The following ZNF431 variants were observed in gnomAD, a reference collection of about 807,000 sequenced individuals.
ZNF431 encodes zinc finger protein 431.
Under a neutral mutation model 57.0 loss-of-function variants are expected in ZNF431, and 34 were observed. That is an observed-to-expected ratio of 0.60 (90% CI 0.45 to 0.79). The LOEUF is 0.79. ZNF431 is among the 30% of genes least tolerant of loss of function. ZNF431 has a pLI of 0.00. For synonymous variants in ZNF431, 207 were observed against 220.3 expected, an observed-to-expected ratio of 0.94 and a Z score of 0.54; for missense variants, 607 against 667.1, an observed-to-expected ratio of 0.91 and a Z score of 0.99.
chr19:21,143,467 T>C (rs1969997094), intron 1 of ZNF431, 84 bp from the exon 2 acceptor site: 1 of 1,090,290 alleles, frequency 9.2e-7, no homozygotes, highest in Non-Finnish European at 1.4e-6. Context: ...CAGTGCTGTC[T>C]GGGGATGAAC....
intron 4 of ZNF431, among the ~76,000 whole-genome samples, chr19:21,177,129 G>A (rs966464774): frequency 1.3e-5 from 2 of 152,180 alleles, no homozygotes; most frequent in African/African-American, 4.8e-5. Context: ...GAGTAGTATT[G>A]CCTAGATTTT....
chr19:21,142,206 C>G lies in ZNF431; in HGVS notation c.3+20C>G, dbSNP rs769239168. ...GAAATGGTGAGAGTGCCGGGTCGGA[C>G]ATCCCGAGAGAGGGGAAGGGCTGGT... is the stretch of plus-strand genomic sequence containing the variant. On this transcript the variant is annotated intron_variant, in intron 1 of 4. Transcript: ENST00000311048. 1.2e-6 allele frequency: 2 copies of G among 1,613,098 alleles called. No individual in the cohort carries two copies. The highest frequency in any genetic ancestry group is 3.3e-5 in the Admixed American group (2 of 59,998).
intron 2 of ZNF431, among the ~76,000 whole-genome samples, chr19:21,158,266 C>G (rs1205032802): frequency 6.6e-6 from 1 of 151,974 alleles, no homozygotes; most frequent in Non-Finnish European, 1.5e-5. Flanking sequence ...GGTGCGATCT[C>G]AGCTTACTGC....
intron 2 of ZNF431, among the ~76,000 whole-genome samples, chr19:21,156,617 A>G (rs1323061945): frequency 1.3e-5 from 2 of 150,254 alleles, no homozygotes; most frequent in African/African-American, 4.9e-5. Context: ...GATAGCATGC[A>G]TTTGGTTTTG....
chr19:21,161,166 C>CTAAATAAA lies in ZNF431; in HGVS notation c.97-5148_97-5141dup, dbSNP rs10600309. On this transcript the variant is annotated intron_variant, in intron 2 of 4. Coordinates refer to ENST00000311048, the MANE Select transcript of ZNF431 (RefSeq NM_133473.4). ...CTGGTGACAGAGCAAAGTTCCATCT[C>CTAAATAAA]TAAATAAATAAATAAATAAATAAAT... is the stretch of plus-strand genomic sequence containing the variant. 1.4e-4 allele frequency among the ~76,000 whole-genome samples: 21 copies of CTAAATAAA among 150,414 alleles called. No homozygotes were observed. In the South Asian group the frequency reaches 3.8e-3, roughly 27 times the overall value.
intron 2 of ZNF431, among the ~76,000 whole-genome samples, chr19:21,147,579 T>G (rs1352030861): frequency 6.9e-6 from 1 of 144,900 alleles, no homozygotes; most frequent in Non-Finnish European, 1.5e-5. Flanking sequence ...ATTGTCTGGA[T>G]GGCAAAGTCT....
At chr19:21,169,283 C>A (rs546562601) in intron 4 of ZNF431, among the ~76,000 whole-genome samples, 175 of 152,180 alleles carry the variant, frequency 1.1e-3, no homozygotes, top group Non-Finnish European at 1.6e-3. Flanking sequence ...CAAACAGCAA[C>A]TTTTTACTTA....
chr19:21,154,215 T>C (rs1006776309), intron 2 of ZNF431, among the ~76,000 whole-genome samples: 15 of 152,282 alleles, frequency 9.9e-5, no homozygotes, highest in Non-Finnish European at 1.9e-4. Flanking sequence ...TTCCCCTTCC[T>C]GTGTCCATGT....
chr19:21,175,397 C>T (rs1971021039), intron 4 of ZNF431: 1 of 693,602 alleles, frequency 1.4e-6, no homozygotes, highest in East Asian at 2.7e-5. Flanking sequence ...GTTACTATTA[C>T]CAGTTTTATT....
chr19:21,168,627 A>G (rs1970792718), intron 4 of ZNF431, among the ~76,000 whole-genome samples: 1 of 152,112 alleles, frequency 6.6e-6, no homozygotes, highest in Non-Finnish European at 1.5e-5. Context: ...CGGCCTCCCA[A>G]AGTGCTGGGA....
At chr19:21,147,239 C>A (rs1474572871) in intron 2 of ZNF431, among the ~76,000 whole-genome samples, 3 of 152,090 alleles carry the variant, frequency 2.0e-5, no homozygotes, top group African/African-American at 7.2e-5. Flanking sequence ...GTAATCTCAG[C>A]CCTTTGGGAG....
chr19:21,166,477 A>G lies in ZNF431; in HGVS notation c.223+16A>G, dbSNP rs1459455946. 1.3e-6 allele frequency: 2 copies of G among 1,588,654 alleles called. No individual in the cohort carries two copies. The highest frequency in any genetic ancestry group is 1.7e-6 in the Non-Finnish European group (2 of 1,173,050). On this transcript the variant is annotated intron_variant, in intron 3 of 4. Transcript: ENST00000311048. The stretch of plus-strand genomic sequence containing the variant: ...GTCTTCTTGGGTGAGAATAACTTTC[A>G]TACACAATTCTTAATATGCCCTAAA...
At chr19:21,181,263 T>C (rs1344196480) in intron 4 of ZNF431, among the ~76,000 whole-genome samples, 1 of 152,184 alleles carries the variant, frequency 6.6e-6, no homozygotes, top group African/African-American at 2.4e-5. Flanking sequence ...GCATCTTTTA[T>C]ATGTAAGGCA....
chr19:21,176,785 C>G (rs986557229), intron 4 of ZNF431, among the ~76,000 whole-genome samples: 10 of 152,228 alleles, frequency 6.6e-5, no homozygotes, highest in Non-Finnish European at 7.4e-5. Flanking sequence ...GCAACCTCCA[C>G]TTCCCGGGTT....
intron 2 of ZNF431, among the ~76,000 whole-genome samples, chr19:21,160,419 A>G (rs1249629339): frequency 6.6e-6 from 1 of 152,170 alleles, no homozygotes; most frequent in Non-Finnish European, 1.5e-5. Context: ...GACAACCACA[A>G]CTATACCTAC....
Position 21,185,407 on chromosome 19 carries a change from G to A in ZNF431, c.*1373G>A, listed in dbSNP as rs1373292549. The A allele has an allele frequency of 6.6e-6, 1 of 152,158 alleles. No individual in the cohort carries two copies. Among genetic ancestry groups the A allele is most frequent in the Non-Finnish European group, 1.5e-5 (1 of 68,030 alleles). The allele number at this position is 152,158 out of a possible 1,614,324, so 9.4% of individuals were successfully genotyped here. On this transcript the variant is annotated 3_prime_UTR_variant, in exon 5 of 5. Coordinates refer to ENST00000311048, the MANE Select transcript of ZNF431 (RefSeq NM_133473.4). Reference sequence around the variant, plus strand: ...TTCTTCATTCCTATTGGATTCACATGTGAAAGCATGGGGTTAATTGTTGCT... The same window carrying A: ...TTCTTCATTCCTATTGGATTCACATATGAAAGCATGGGGTTAATTGTTGCT...
At chr19:21,142,300 C>G (rs1270406635) in intron 1 of ZNF431, 114 bp downstream of exon 1, 8 of 1,453,346 alleles carry the variant, frequency 5.5e-6, no homozygotes, top group Admixed American at 1.7e-5. Flanking sequence ...GTCTGCGCCC[C>G]GAGTTCTCCT....
chr19:21,189,028 A>G lies in ZNF431; in HGVS notation c.*4994A>G, dbSNP rs116796731. On this transcript the variant is annotated 3_prime_UTR_variant, in exon 5 of 5. Coordinates refer to ENST00000311048, the MANE Select transcript of ZNF431 (RefSeq NM_133473.4). ...CCCAAAACTATATATTTTTGATACT[A>G]TTTAACCAAGATTATCACAAAGACA... 2.0e-5 allele frequency: 3 copies of G among 152,334 alleles called. No individual in the cohort carries two copies. The highest frequency in any genetic ancestry group is 7.2e-5 in the African/African-American group (3 of 41,570). 9.4% of individuals were successfully genotyped at this position (152,334 alleles called of 1,614,324 possible).
intron 4 of ZNF431, chr19:21,169,996 T>C (rs1053783938): frequency 3.3e-5 from 13 of 395,826 alleles, no homozygotes; most frequent in African/African-American, 1.0e-4. Context: ...ACAGAGTTAA[T>C]TTCAGAATTC....
Sources: gnomAD v4.1 joint callset for allele counts (sites outside exome capture counted in the v4.1 genomes callset) on GRCh38, gnomAD v4.1.1 for gene constraint, MANE v1.5 for transcripts, NCBI Gene and HGNC (gene_info 2026-07-23, HGNC 2026-07-21) for gene names.